NEBL: variants seen among roughly 807,000 people sequenced by gnomAD.
NEBL encodes the protein nebulette.
In NEBL, 122 loss-of-function variants were observed where a neutral mutation model predicts 140.2. That is an observed-to-expected ratio of 0.87 (90% CI 0.75 to 1.01). The LOEUF (loss-of-function observed/expected upper bound fraction) is 1.01. Ranked by LOEUF, NEBL falls within the 50% of genes least tolerant of loss-of-function variation. The pLI is 0.00. For synonymous variants in NEBL, 436 were observed against 398.9 expected (o/e 1.09, Z -1.11); for missense variants, 1,365 against 1,231.3 (o/e 1.11, Z -1.62).
chr10:20,984,562 C>T (rs1343597751), intron 3 of NEBL, among the ~76,000 whole-genome samples: 2 of 152,044 alleles, frequency 1.3e-5, no homozygotes, highest in South Asian at 2.1e-4. Context: ...GCCAGAACAT[C>T]GAAGAATTGG....
intron 4 of NEBL, among the ~76,000 whole-genome samples, chr10:20,920,165 T>C (rs1371909085): frequency 1.3e-5 from 2 of 152,304 alleles, no homozygotes; most frequent in East Asian, 3.9e-4. Flanking sequence ...TGTTGGACTG[T>C]GGAAAAACAG....
intron 3 of NEBL, among the ~76,000 whole-genome samples, chr10:21,002,184 G>A (rs1396017427): frequency 1.3e-5 from 2 of 151,628 alleles, no homozygotes; most frequent in East Asian, 3.9e-4. Context: ...TTATGGTGAT[G>A]AAACATTGTT....
chr10:21,010,418 A>T (rs370466543), intron 3 of NEBL, among the ~76,000 whole-genome samples: 1,816 of 139,322 alleles, frequency 0.013, 26 homozygotes, highest in African/African-American at 0.051. Flanking sequence ...CGAATTTTTT[A>T]ATTTTTTTTT....
At chr10:20,861,710 T>C (rs531148246) in intron 7 of NEBL, among the ~76,000 whole-genome samples, 2 of 152,314 alleles carry the variant, frequency 1.3e-5, no homozygotes, top group African/African-American at 4.8e-5. Flanking sequence ...GAGCCCATCA[T>C]ACTGTTTTTG....
intron 2 of NEBL, among the ~76,000 whole-genome samples, chr10:21,050,807 G>A (rs1317672731): frequency 6.6e-6 from 1 of 151,960 alleles, no homozygotes; most frequent in Non-Finnish European, 1.5e-5. Context: ...ATCCTATGTA[G>A]AATGCAGAAA....
At chr10:21,056,231 C>A (rs1330836250) in intron 2 of NEBL, among the ~76,000 whole-genome samples, 3 of 152,136 alleles carry the variant, frequency 2.0e-5, no homozygotes, top group Non-Finnish European at 1.5e-5. Flanking sequence ...CACCCAGATC[C>A]CTGATTGCAA....
At chr10:20,797,883 T>C (rs568847185) in intron 26 of NEBL, among the ~76,000 whole-genome samples, 52 of 152,208 alleles carry the variant, frequency 3.4e-4, no homozygotes, top group African/African-American at 1.2e-3. Flanking sequence ...GGAGAATTAC[T>C]TGAGGCCAGG....
At chr10:21,213,678 G>A (rs1841949480) in intron 3 of NEBL, among the ~76,000 whole-genome samples, 1 of 152,200 alleles carries the variant, frequency 6.6e-6, no homozygotes, top group East Asian at 1.9e-4. Context: ...CTGGGCTTGA[G>A]GAGTAGAGTA....
At chr10:21,241,819 T>TA (rs1842443124) in intron 3 of NEBL, among the ~76,000 whole-genome samples, 1 of 152,220 alleles carries the variant, frequency 6.6e-6, no homozygotes, top group Non-Finnish European at 1.5e-5. Flanking sequence ...GGTGACACTT[T>TA]GTAAAGTCAT....
intron 2 of NEBL, 32 bp from the exon 3 acceptor site, chr10:20,889,981 A>G (rs1201598063): frequency 7.1e-7 from 1 of 1,412,430 alleles, no homozygotes; most frequent in Non-Finnish European, 9.9e-7. Flanking sequence ...ATAAGAAGAG[A>G]AAAAGAAAAA....
chr10:20,970,182 G>A (rs763685405), intron 3 of NEBL, among the ~76,000 whole-genome samples: 4 of 152,140 alleles, frequency 2.6e-5, no homozygotes, highest in African/African-American at 9.7e-5. Context: ...TGAGCAGAGC[G>A]AGGATGGGAA....
Position 20,852,560 on chromosome 10 carries a change from G to T in NEBL, c.993C>A (p.Ala331=), listed in dbSNP as rs375117092. The change falls in exon 10 of 28, where the codon GCC becomes GCA. Residue 331 remains alanine (A), a synonymous_variant. Coordinates refer to ENST00000377122, the MANE Select transcript of NEBL (RefSeq NM_006393.3). The part of the protein sequence containing the change: ...AVEHLHHKGN[A]VLQSQVKYKE... ...AAGTGTGTACCTGACTTTGGAGGAC[G>T]GCATTGCCTTTATGGTGCAGATGTT... is the stretch of plus-strand genomic sequence containing the variant. The T allele has an allele frequency of 6.2e-7, 1 of 1,612,926 alleles. No homozygotes were observed. Among genetic ancestry groups the T allele is most frequent in the Non-Finnish European group, 8.5e-7 (1 of 1,179,504 alleles).
chr10:21,146,323 C>A, intron 2 of NEBL: 3 of 1,598,460 alleles, frequency 1.9e-6, no homozygotes, highest in Non-Finnish European at 2.6e-6. Context: ...TATAAACCTG[C>A]CCCCAACACA....
intron 5 of NEBL, among the ~76,000 whole-genome samples, chr10:20,879,096 C>T (rs142103601): frequency 1.8e-3 from 281 of 152,248 alleles, no homozygotes; most frequent in Middle Eastern, 6.8e-3. Flanking sequence ...TCCTGCAGTG[C>T]GTTTGAAATC....
At chr10:21,085,490 C>A (rs966460671) in intron 2 of NEBL, among the ~76,000 whole-genome samples, 2 of 152,028 alleles carry the variant, frequency 1.3e-5, no homozygotes, top group Admixed American at 6.6e-5. Context: ...ACTTAATTAG[C>A]CAAGCATAGT....
chr10:20,953,133 T>G (rs939817266), intron 4 of NEBL, among the ~76,000 whole-genome samples: 1 of 152,054 alleles, frequency 6.6e-6, no homozygotes, highest in Non-Finnish European at 1.5e-5. Context: ...CACCCCAAAA[T>G]TCATATGTTG....
At chr10:21,141,759 G>A (rs1839640889) in intron 2 of NEBL, among the ~76,000 whole-genome samples, 1 of 152,220 alleles carries the variant, frequency 6.6e-6, no homozygotes, top group African/African-American at 2.4e-5. Flanking sequence ...GTTATCTGAA[G>A]TATGTTAATC....
chr10:20,903,781 T>C (rs556128662), intron 4 of NEBL, among the ~76,000 whole-genome samples: 4 of 151,934 alleles, frequency 2.6e-5, no homozygotes, highest in African/African-American at 9.7e-5. Context: ...AACCAAATAC[T>C]GCATGTTGTC....
chr10:21,257,562 C>T (rs1842674341), intron 1 of NEBL, among the ~76,000 whole-genome samples: 1 of 152,192 alleles, frequency 6.6e-6, no homozygotes, highest in Non-Finnish European at 1.5e-5. Flanking sequence ...GGTCTGTTTT[C>T]ACAAGAGGTG....
Sources: gnomAD v4.1 joint callset for allele counts (sites outside exome capture counted in the v4.1 genomes callset) on GRCh38, gnomAD v4.1.1 for gene constraint, MANE v1.5 for transcripts, NCBI Gene and HGNC (gene_info 2026-07-23, HGNC 2026-07-21) for gene names.